The following ZNF585A variants were observed in gnomAD, a reference collection of about 807,000 sequenced individuals.
ZNF585A encodes zinc finger protein 585A.
ZNF585A carries 9 observed loss-of-function variants against 14.9 expected under a neutral mutation model. The ratio of observed to expected loss-of-function variants is 0.60; its 90% confidence interval spans 0.36 to 1.05. The LOEUF is 1.05. Ranked by LOEUF, ZNF585A falls within the 50% of genes least tolerant of loss-of-function variation. The pLI is 0.01. For missense variants in ZNF585A, 726 were observed against 926.4 expected (o/e 0.78, Z 2.81); for synonymous variants, 276 against 319.9 (o/e 0.86, Z 1.46).
At position 37,151,507 on chromosome 19, in the gene ZNF585A, A is replaced by C. The variant is rs917542047; in HGVS notation, c.*82T>G. 6 of 1,344,204 alleles carry C rather than the reference A, an allele frequency of 4.5e-6. No homozygotes were observed. The highest frequency in any genetic ancestry group is 6.1e-6 in the Non-Finnish European group (6 of 981,212). 83.3% of individuals were successfully genotyped at this position (1,344,204 alleles called of 1,614,324 possible). On this transcript the variant is annotated 3_prime_UTR_variant, in exon 5 of 5. Transcript: ENST00000292841. ...GCTGTGGTCATTTCTATTTACAATAATATACATATTTTTCTGCTGCATGCG... is the reference window on the plus strand; with the variant it reads ...GCTGTGGTCATTTCTATTTACAATACTATACATATTTTTCTGCTGCATGCG...
rs937468136 is a variant in ZNF585A at position 37,151,275 on chromosome 19, C to T, written c.*314G>A. ...AAACAGGATTATCGTTAACTTAATA[C>T]GATCTTTCTTAGGAAGAATTTGGTA... is the stretch of plus-strand genomic sequence containing the variant. On this transcript the variant is annotated 3_prime_UTR_variant, in exon 5 of 5. Transcript: ENST00000292841. The T allele has an allele frequency of 5.4e-5, 24 of 445,294 alleles. No individual in the cohort carries two copies. Among genetic ancestry groups the T allele is most frequent in the East Asian group, 2.5e-4 (8 of 31,452 alleles). 27.6% of individuals were successfully genotyped at this position (445,294 alleles called of 1,614,324 possible). A position where few individuals can be genotyped will look rare whatever the true frequency, so the allele number is the denominator to read the frequency against.
In ZNF585A at chr19:37,152,754, T is replaced by C. The variant is rs778850428; in HGVS notation, c.1145A>G (p.Tyr382Cys). The C allele has an allele frequency of 1.7e-5, 27 of 1,614,106 alleles. No homozygotes were observed. The highest frequency in any genetic ancestry group is 2.3e-5 in the Non-Finnish European group (27 of 1,180,042). ...GGCTTTCCCACAGTCACTGCATTCA[T>C]AAGGTTTCTCTCCAGTGTGAATTCT... ...HQRIHTGEKP[Y>C]ECSDCGKAFT... The change falls in exon 5 of 5, where the codon TAT (tyrosine) becomes TGT (cysteine). Residue 382 changes from tyrosine to cysteine, a missense_variant. By Grantham distance (194) the Tyr-to-Cys change is radical. Around this residue, in one of 2 missense-constraint regions of ZNF585A, gnomAD observed 483 missense variants for 542.8 expected, o/e 0.89. Coordinates refer to ENST00000292841, the MANE Select transcript of ZNF585A (RefSeq NM_001288800.2).
Position 37,151,233 on chromosome 19 carries a change from T to C in ZNF585A, c.*356A>G. On this transcript the variant is annotated 3_prime_UTR_variant, in exon 5 of 5. Transcript: ENST00000292841. ...GTTTTATCATTCAATTTGTTGGCAC[T>C]ATACCTAATCCACAGTAAACAGGAT... 2 of 420,314 alleles carry C rather than the reference T, an allele frequency of 4.8e-6. No homozygotes were observed. The highest frequency in any genetic ancestry group is 8.4e-6 in the Non-Finnish European group (2 of 237,698). The allele number at this position is 420,314 out of a possible 1,614,324, so 26.0% of individuals were successfully genotyped here.
At position 37,151,857 on chromosome 19, in the gene ZNF585A, T is replaced by G; in HGVS notation, c.2042A>C (p.His681Pro). 6.2e-7 allele frequency: 1 copy of G among 1,612,444 alleles called. No homozygotes were observed. The highest frequency in any genetic ancestry group is 8.5e-7 in the Non-Finnish European group (1 of 1,179,330). The change falls in exon 5 of 5, where the codon CAC becomes CCC. Residue 681 changes from histidine to proline, a missense_variant. Physicochemically the swap from His to Pro is moderately conservative, Grantham distance 77. Around this residue, in one of 2 missense-constraint regions of ZNF585A, gnomAD observed 243 missense variants for 383.6 expected, o/e 0.63. Coordinates refer to ENST00000292841, the MANE Select transcript of ZNF585A (RefSeq NM_001288800.2). ...AGGTTTCTCTCCAGTATGAATTCTG[T>G]GATGTGTAATCAACTCTGACTTCTG... ...FRQKSELITH[H>P]RIHTGEKPYE...
Position 37,149,872 on chromosome 19 carries a change from A to T in ZNF585A, c.*1717T>A, listed in dbSNP as rs979664017. On this transcript the variant is annotated 3_prime_UTR_variant, in exon 5 of 5. Transcript: ENST00000292841. ...TCATCCTCATCACCATCTTCCAGGG[A>T]TCATGACCATGCAAACATGGAGATG... 1 of 152,204 alleles carries T rather than the reference A, an allele frequency of 6.6e-6. No individual in the cohort carries two copies. Among genetic ancestry groups the T allele is most frequent in the Non-Finnish European group, 1.5e-5 (1 of 68,088 alleles). The allele number at this position is 152,204 out of a possible 1,614,324, so 9.4% of individuals were successfully genotyped here.
At position 37,148,035 on chromosome 19, in the gene ZNF585A, T is replaced by TAAG. The variant is rs906824612; in HGVS notation, c.*3551_*3553dup. ...TTTTCTTTCATCTAGGGTAAATACC[T>TAAG]AAGTGTGGAGTTGCTGAGTCATATG... On this transcript the variant is annotated 3_prime_UTR_variant, in exon 5 of 5. Coordinates refer to ENST00000292841, the MANE Select transcript of ZNF585A (RefSeq NM_001288800.2). The TAAG allele has an allele frequency of 6.6e-6, 1 of 152,200 alleles. No individual in the cohort carries two copies. The highest frequency in any genetic ancestry group is 1.5e-5 in the Non-Finnish European group (1 of 68,042). The allele number at this position is 152,200 out of a possible 1,614,324, so 9.4% of individuals were successfully genotyped here.
chr19:37,156,480 C>T (rs1971933564), intron 2 of ZNF585A, 125 bp from the exon 3 acceptor site: 10 of 1,267,922 alleles, frequency 7.9e-6, no homozygotes, highest in Non-Finnish European at 7.4e-6. Flanking sequence ...AAACTCACTC[C>T]CATTTCTCTA....
At position 37,146,376 on chromosome 19, in the gene ZNF585A, T is replaced by A. The variant is rs1324714839; in HGVS notation, c.*5213A>T. 1.3e-5 allele frequency: 2 copies of A among 152,044 alleles called. No homozygotes were observed. The highest frequency in any genetic ancestry group is 3.9e-4 in the East Asian group (2 of 5,168). The allele number at this position is 152,044 out of a possible 1,614,324, so 9.4% of individuals were successfully genotyped here. ...AGCCTGGCAACAGAGTGAGACTCCA[T>A]CTCAAAAAAAATAAAAATAAAAAAT... is the stretch of plus-strand genomic sequence containing the variant. On this transcript the variant is annotated 3_prime_UTR_variant, in exon 5 of 5. Transcript: ENST00000292841.
Position 37,155,848 on chromosome 19 carries a change from A to T in ZNF585A, c.292+17T>A. ...CTCCCATCTCCCATCTACCGGATTC[A>T]CACTCGCTTCACTCACCTGGGCAGC... On this transcript the variant is annotated intron_variant, in intron 4 of 4. Coordinates refer to ENST00000292841, the MANE Select transcript of ZNF585A (RefSeq NM_001288800.2). The T allele has an allele frequency of 6.2e-7, 1 of 1,612,060 alleles. No individual in the cohort carries two copies. Among genetic ancestry groups the T allele is most frequent in the Admixed American group, 1.7e-5 (1 of 60,020 alleles).
At chr19:37,164,397 T>C (rs926479584) in intron 2 of ZNF585A, among the ~76,000 whole-genome samples, 5 of 134,676 alleles carry the variant, frequency 3.7e-5, no homozygotes, top group African/African-American at 1.2e-4. Flanking sequence ...AGCAAGACAC[T>C]GTCTCAAATT....
At chr19:37,166,985 C>T (rs1972102467) in intron 2 of ZNF585A, among the ~76,000 whole-genome samples, 1 of 151,984 alleles carries the variant, frequency 6.6e-6, no homozygotes, top group Non-Finnish European at 1.5e-5. Flanking sequence ...AGGCCTGCAC[C>T]ACCACACCTG....
chr19:37,153,193 G>A lies in ZNF585A; in HGVS notation c.706C>T (p.His236Tyr). The A allele has an allele frequency of 6.2e-7, 1 of 1,614,116 alleles. No homozygotes were observed. The highest frequency in any genetic ancestry group is 8.5e-7 in the Non-Finnish European group (1 of 1,180,022). The change falls in exon 5 of 5, where the codon CAT (histidine) becomes TAT (tyrosine). Residue 236 changes from histidine (H) to tyrosine (Y), a missense_variant. Transcript: ENST00000292841. ...NSDLSIHEKI[H>Y]TGERHHECTD... is the part of the protein sequence containing the mutation. ...CATTCATGGTGTCTCTCTCCAGTAT[G>A]AATTTTCTCATGTATACTGAGATCT...
intron 2 of ZNF585A, among the ~76,000 whole-genome samples, chr19:37,163,835 T>C (rs1409176904): frequency 6.6e-6 from 1 of 151,404 alleles, no homozygotes; most frequent in African/African-American, 2.4e-5. Flanking sequence ...ATAGAGTATA[T>C]AGTGAAAGAT....
At chr19:37,164,392 G>A (rs970489290) in intron 2 of ZNF585A, among the ~76,000 whole-genome samples, 2 of 145,940 alleles carry the variant, frequency 1.4e-5, no homozygotes, top group Non-Finnish European at 3.0e-5. Context: ...GACACAGCAA[G>A]ACACTGTCTC....
At position 37,166,637 on chromosome 19, in the gene ZNF585A, T is replaced by G. The variant is rs562846114; in HGVS notation, c.72+3202A>C. ...GCACAGTCTTTGATTATGTAGATAT[T>G]TACTCCATTTTTTGATTGTCAACAC... On this transcript the variant is annotated intron_variant, in intron 2 of 4. Transcript: ENST00000292841. Among the ~76,000 whole-genome samples the G allele has an allele frequency of 2.0e-5, 3 of 151,356 alleles. No individual in the cohort carries two copies. In the East Asian group the frequency reaches 5.8e-4, roughly 29 times the overall value.
At chr19:37,167,858 C>G (rs1972121817) in intron 2 of ZNF585A, among the ~76,000 whole-genome samples, 1 of 152,116 alleles carries the variant, frequency 6.6e-6, no homozygotes. Flanking sequence ...TCTCCAACTC[C>G]TGACCTTGTG....
intron 4 of ZNF585A, among the ~76,000 whole-genome samples, chr19:37,153,824 T>A (rs1306181951): frequency 6.6e-6 from 1 of 152,230 alleles, no homozygotes; most frequent in Non-Finnish European, 1.5e-5. Context: ...TCATATTGCC[T>A]CTTTGTTGTC....
At position 37,152,868 on chromosome 19, in the gene ZNF585A, T is replaced by C; in HGVS notation, c.1031A>G (p.His344Arg). The change falls in exon 5 of 5, where the codon CAT becomes CGT. Residue 344 changes from histidine to arginine, a missense_variant. Around this residue, in one of 2 missense-constraint regions of ZNF585A, gnomAD observed 483 missense variants for 542.8 expected, o/e 0.89. Transcript: ENST00000292841. Reference protein sequence around the residue: ...VFSNNSNLVTHKKVQSREKSS... With the variant: ...VFSNNSNLVTRKKVQSREKSS... ...TTTCTCTCTACTTTGAACTTTCTTA[T>C]GTGTAACGAGGTTGGAATTATTGCT... 6.2e-7 allele frequency: 1 copy of C among 1,614,252 alleles called. No individual in the cohort carries two copies. The highest frequency in any genetic ancestry group is 1.6e-4 in the Middle Eastern group (1 of 6,062).
At chr19:37,172,354 T>C (rs954745953) in intron 1 of ZNF585A, 1 of 152,156 alleles carries the variant, frequency 6.6e-6, no homozygotes, top group South Asian at 2.1e-4. Flanking sequence ...CAACTCAGGT[T>C]AGAAAGCAAG....
Sources: gnomAD v4.1 joint callset for allele counts (sites outside exome capture counted in the v4.1 genomes callset) on GRCh38, gnomAD v4.1.1 for gene constraint, gnomAD v4.1.1 regional missense constraint, MANE v1.5 for transcripts, NCBI Gene and HGNC (gene_info 2026-07-23, HGNC 2026-07-21) for gene names.